Variants in NTNG1 observed in about 807,000 individuals in gnomAD.
The protein encoded by NTNG1 is netrin-G1.
Under a neutral mutation model 54.0 loss-of-function variants are expected in NTNG1, and 16 were observed. That is an observed-to-expected ratio of 0.30 (90% CI 0.20 to 0.45). The LOEUF is 0.45. Among genes scored for constraint, NTNG1 ranks in the 20% least tolerant of loss-of-function variants. The probability of loss-of-function intolerance (pLI) is 1.00; values close to 1 mark genes in which losing one functional copy is unlikely to be tolerated. For missense variants in NTNG1, 530 were observed against 678.7 expected (o/e 0.78, Z 2.43); for synonymous variants, 255 against 263.1 (o/e 0.97, Z 0.30).
intron 3 of NTNG1, among the ~76,000 whole-genome samples, chr1:107,387,400 G>GAAA (rs1672076936): frequency 1.3e-5 from 2 of 152,322 alleles, no homozygotes; most frequent in African/African-American, 4.8e-5. Flanking sequence ...ATACTGGTGA[G>GAAA]CTCTACAGTG....
At chr1:107,187,158 A>G (rs1331890601) in intron 2 of NTNG1, among the ~76,000 whole-genome samples, 1 of 151,954 alleles carries the variant, frequency 6.6e-6, no homozygotes, top group Non-Finnish European at 1.5e-5. Flanking sequence ...CGTTTTGCCT[A>G]TTACTCTCTG....
At chr1:107,413,654 G>A (rs1673996418) in intron 5 of NTNG1, among the ~76,000 whole-genome samples, 1 of 151,990 alleles carries the variant, frequency 6.6e-6, no homozygotes, top group Non-Finnish European at 1.5e-5. Context: ...TTTCTCACAG[G>A]TTGCCATATT....
chr1:107,280,752 A>AG (rs1205119181), intron 2 of NTNG1, among the ~76,000 whole-genome samples: 227 of 152,218 alleles, frequency 1.5e-3, no homozygotes, highest in African/African-American at 5.3e-3. Context: ...TGCAAGCCTC[A>AG]GGACCACAAA....
chr1:107,435,363 C>T (rs1675533030), intron 6 of NTNG1, among the ~76,000 whole-genome samples: 1 of 152,028 alleles, frequency 6.6e-6, no homozygotes, highest in Admixed American at 6.6e-5. Flanking sequence ...ACAAACTAAG[C>T]CAGGCAAGGA....
intron 7 of NTNG1, among the ~76,000 whole-genome samples, chr1:107,471,161 T>C (rs979795551): frequency 7.2e-5 from 11 of 152,178 alleles, no homozygotes; most frequent in African/African-American, 2.4e-4. Context: ...GGCTACTCCC[T>C]AGGGTCAGAA....
At chr1:107,437,477 A>G (rs959299009) in intron 7 of NTNG1, among the ~76,000 whole-genome samples, 7 of 152,178 alleles carry the variant, frequency 4.6e-5, no homozygotes, top group Non-Finnish European at 7.4e-5. Context: ...AAATCAAGGC[A>G]GAAGGTTCCT....
At position 107,480,592 on chromosome 1, in the gene NTNG1, C is replaced by G; in HGVS notation, c.1391-19C>G. The stretch of plus-strand genomic sequence containing the variant: ...CCTCCCCGCGCCCACCCACCCCTAC[C>G]TTCCCCCTCATTCTGCAGCGAATGT... On this transcript the variant is annotated intron_variant, in intron 7 of 7. Transcript: ENST00000370068. 1 of 779,664 alleles carries G rather than the reference C, an allele frequency of 1.3e-6. No individual in the cohort carries two copies. Among genetic ancestry groups the G allele is most frequent in the Non-Finnish European group, 2.0e-6 (1 of 512,790 alleles). 48.3% of individuals were successfully genotyped at this position (779,664 alleles called of 1,614,324 possible).
At chr1:107,147,975 A>G (rs985205094) in intron 1 of NTNG1, 94 bp from the exon 2 acceptor site, 1 of 152,590 alleles carries the variant, frequency 6.6e-6, no homozygotes, top group South Asian at 2.1e-4. Context: ...AATTTGCTTT[A>G]TATTGCATCA....
rs201652859 is a variant in NTNG1, at chr1:107,161,897, C to T, written c.246+13058C>T. Among the ~76,000 whole-genome samples, 8 of 150,734 alleles carry T rather than the reference C, an allele frequency of 5.3e-5. No homozygotes were observed. The East Asian group carries it at 1.6e-3, about 29-fold the overall frequency. The stretch of plus-strand genomic sequence containing the variant: ...ATGGATTATGTGTTCAAAAATAACA[C>T]ATACTTTTGATTTTGGATTTTTTTA... On this transcript the variant is annotated intron_variant, in intron 2 of 7. Transcript: ENST00000370068.
rs187436920 is a variant in NTNG1 at position 107,205,166 on chromosome 1, C to T, written c.246+56327C>T. On this transcript the variant is annotated intron_variant, in intron 2 of 7. Transcript: ENST00000370068. The stretch of plus-strand genomic sequence containing the variant: ...CTCAACCTCCAAATTCAAGCTACTT[C>T]GAAGTTTCAACCTCCAAAAATTCAA... Among the ~76,000 whole-genome samples, 38 of 152,242 alleles carry T rather than the reference C, an allele frequency of 2.5e-4. No homozygotes were observed. The South Asian group carries it at 3.7e-3, about 15-fold the overall frequency.
rs569623729 is a variant in NTNG1 at position 107,191,831 on chromosome 1, C to T, written c.246+42992C>T. Among the ~76,000 whole-genome samples the T allele has an allele frequency of 5.9e-5, 9 of 152,016 alleles. No homozygotes were observed. The South Asian group carries it at 1.9e-3, about 32-fold the overall frequency. ...TACCATGCTGTTTTGGTTACTGTAGCCTTGTAGTATAGTTTGAAGTCAGGT... is the reference window on the plus strand; with the variant it reads ...TACCATGCTGTTTTGGTTACTGTAGTCTTGTAGTATAGTTTGAAGTCAGGT... On this transcript the variant is annotated intron_variant, in intron 2 of 7. Coordinates refer to ENST00000370068, the MANE Select transcript of NTNG1 (RefSeq NM_001113226.3).
rs1337552714 is a variant in NTNG1 at position 107,270,721 on chromosome 1, C to A, written c.247-53561C>A. 1.0e-4 allele frequency among the ~76,000 whole-genome samples: 14 copies of A among 137,262 alleles called. No homozygotes were observed. The South Asian group carries it at 2.9e-3, about 28-fold the overall frequency. 90.0% of individuals were successfully genotyped at this position (137,262 alleles called of 152,430 possible). A position where few individuals can be genotyped will look rare whatever the true frequency, so the allele number is the denominator to read the frequency against. The stretch of plus-strand genomic sequence containing the variant: ...GCCCCCGCCCCCGCCCCCGCCCCCC[C>A]ACCCCCAACCCGCCAAAGTGCAGTG... On this transcript the variant is annotated intron_variant, in intron 2 of 7. Transcript: ENST00000370068.
Position 107,484,267 on chromosome 1 carries a change from G to T in NTNG1, c.*3427G>T, listed in dbSNP as rs1678900974. Among the ~76,000 whole-genome samples, 1 of 152,150 alleles carries T rather than the reference G, an allele frequency of 6.6e-6. No homozygotes were observed. The highest frequency in any genetic ancestry group is 1.5e-5 in the Non-Finnish European group (1 of 68,024). On this transcript the variant is annotated 3_prime_UTR_variant, in exon 8 of 8. Coordinates refer to ENST00000370068, the MANE Select transcript of NTNG1 (RefSeq NM_001113226.3). ...AGAGTCCAGGGCTGAAAAATAAAGG[G>T]ATGAGGGGTAGGAAGGAGATAGACA...
chr1:107,376,437 A>AAAC (rs1553235302), intron 3 of NTNG1, among the ~76,000 whole-genome samples: 1 of 150,690 alleles, frequency 6.6e-6, no homozygotes, highest in Admixed American at 6.6e-5. Context: ...AACAAAAAAA[A>AAAC]AAAATTTGCT....
chr1:107,462,615 C>T (rs915566114), intron 7 of NTNG1, among the ~76,000 whole-genome samples: 7 of 152,168 alleles, frequency 4.6e-5, no homozygotes, highest in South Asian at 4.1e-4. Flanking sequence ...ATGTGCTTTT[C>T]CTTTAATTTC....
At chr1:107,403,260 G>T (rs1041353248) in intron 4 of NTNG1, among the ~76,000 whole-genome samples, 1 of 152,146 alleles carries the variant, frequency 6.6e-6, no homozygotes, top group African/African-American at 2.4e-5. Flanking sequence ...GCAAGTACCT[G>T]CAAGACAAGT....
chr1:107,341,935 G>A (rs34777647), intron 3 of NTNG1, among the ~76,000 whole-genome samples: 181 of 152,150 alleles, frequency 1.2e-3, no homozygotes, highest in Non-Finnish European at 2.3e-3. Flanking sequence ...GAGTTGTGAG[G>A]AAATTGGAAC....
At chr1:107,306,350 C>T (rs1166282005) in intron 2 of NTNG1, among the ~76,000 whole-genome samples, 1 of 152,182 alleles carries the variant, frequency 6.6e-6, no homozygotes, top group Admixed American at 6.5e-5. Context: ...TTTATACTTA[C>T]ATCACATCTC....
At chr1:107,396,199 C>A (rs1050947066) in intron 4 of NTNG1, among the ~76,000 whole-genome samples, 2 of 152,122 alleles carry the variant, frequency 1.3e-5, no homozygotes, top group Non-Finnish European at 2.9e-5. Context: ...ACAGAAGCAG[C>A]CGGACAGTGA....
Sources: allele counts gnomAD v4.1 joint callset (sites outside exome capture counted in the v4.1 genomes callset), GRCh38; gene constraint gnomAD v4.1.1; transcripts MANE v1.5; gene names NCBI Gene and HGNC (gene_info 2026-07-23, HGNC 2026-07-21).